Variants in CMKLR1 observed in about 807,000 individuals in gnomAD.
CMKLR1 encodes chemerin chemokine-like receptor 1.
CMKLR1 carries 6 observed loss-of-function variants against 8.2 expected under a neutral mutation model. The ratio of observed to expected loss-of-function variants is 0.73; its 90% CI spans 0.40 to 1.44. The LOEUF (loss-of-function observed/expected upper bound fraction) is 1.44, where lower values mean the gene tolerates loss of function less well. CMKLR1 is among the 40% of genes most tolerant of loss of function. CMKLR1 has a pLI of 0.02. For missense variants in CMKLR1, 429 were observed against 478.0 expected (o/e 0.90, Z 0.96); for synonymous variants, 178 against 181.2 (o/e 0.98, Z 0.14).
intron 2 of CMKLR1, among the ~76,000 whole-genome samples, chr12:108,297,581 T>C (rs1302306939): frequency 6.6e-6 from 1 of 152,214 alleles, no homozygotes; most frequent in Non-Finnish European, 1.5e-5. Context: ...ATAATAGCCC[T>C]GTAAAAATAA....
Position 108,288,669 on chromosome 12 carries a change from T to A in CMKLR1, c.*3172A>T, listed in dbSNP as rs1325166174. Reference sequence around the variant, plus strand: ...ATCCCGGTGCTTGAGGCCCTTCGTGTTCTTGCTCTTCCCTTCTCCCTGTCC... The same window carrying A: ...ATCCCGGTGCTTGAGGCCCTTCGTGATCTTGCTCTTCCCTTCTCCCTGTCC... On this transcript the variant is annotated 3_prime_UTR_variant, in exon 4 of 4. Coordinates refer to ENST00000550402, the MANE Select transcript of CMKLR1 (RefSeq NM_001142343.2). 6.6e-6 allele frequency: 1 copy of A among 152,340 alleles called. No individual in the cohort carries two copies. Among genetic ancestry groups the A allele is most frequent in the Non-Finnish European group, 1.5e-5 (1 of 68,142 alleles). The allele number at this position is 152,340 out of a possible 1,614,324, so 9.4% of individuals were successfully genotyped here. A position where few individuals can be genotyped will look rare whatever the true frequency, so the allele number is the denominator to read the frequency against.
chr12:108,300,821 T>G (rs978236488), intron 2 of CMKLR1, among the ~76,000 whole-genome samples: 8 of 152,218 alleles, frequency 5.3e-5, no homozygotes, highest in Non-Finnish European at 1.2e-4. Context: ...AGTTCACCAT[T>G]AATCATTAAT....
intron 2 of CMKLR1, among the ~76,000 whole-genome samples, chr12:108,311,716 G>A (rs1268990635): frequency 6.6e-6 from 1 of 152,186 alleles, no homozygotes; most frequent in African/African-American, 2.4e-5. Flanking sequence ...GCAACAGGAG[G>A]AAGGGTGGGC....
chr12:108,300,449 T>C (rs1891237744), intron 2 of CMKLR1, among the ~76,000 whole-genome samples: 1 of 151,296 alleles, frequency 6.6e-6, no homozygotes, highest in Admixed American at 6.7e-5. Context: ...TCTAGTGCAT[T>C]ACCCAGAATA....
intron 2 of CMKLR1, among the ~76,000 whole-genome samples, chr12:108,299,851 G>T (rs1166960693): frequency 6.6e-6 from 1 of 152,188 alleles, no homozygotes; most frequent in Non-Finnish European, 1.5e-5. Flanking sequence ...AGAACCATGA[G>T]AGAATAAATT....
chr12:108,288,706 AG>A lies in CMKLR1; in HGVS notation c.*3134del, dbSNP rs1425199941. On this transcript the variant is annotated 3_prime_UTR_variant, in exon 4 of 4. Coordinates refer to ENST00000550402, the MANE Select transcript of CMKLR1 (RefSeq NM_001142343.2). Reference sequence around the variant, plus strand: ...CCTTCTCCCTGTCCTTGCTGGCTCAAGGGTCAGCTGGAGATGGTTCTGAAAT... The same window carrying A: ...CCTTCTCCCTGTCCTTGCTGGCTCAAGGTCAGCTGGAGATGGTTCTGAAAT... 6.6e-6 allele frequency: 1 copy of A among 152,268 alleles called. No individual in the cohort carries two copies. Among genetic ancestry groups the A allele is most frequent in the Non-Finnish European group, 1.5e-5 (1 of 68,102 alleles). The allele number at this position is 152,268 out of a possible 1,614,324, so 9.4% of individuals were successfully genotyped here. A position where few individuals can be genotyped will look rare whatever the true frequency, so the allele number is the denominator to read the frequency against.
In CMKLR1 at chr12:108,291,545, T is replaced by C. The variant is rs1890965319; in HGVS notation, c.*296A>G. ...GCTTAATCCCACCGCCCTATGCCAA[T>C]CCCAGTTCATGGCAATGCTTTTGAG... On this transcript the variant is annotated 3_prime_UTR_variant, in exon 4 of 4. Coordinates refer to ENST00000550402, the MANE Select transcript of CMKLR1 (RefSeq NM_001142343.2). 5.3e-6 allele frequency: 2 copies of C among 376,590 alleles called. No homozygotes were observed. Among genetic ancestry groups the C allele is most frequent in the East Asian group, 1.2e-4 (2 of 17,354 alleles). 23.3% of individuals were successfully genotyped at this position (376,590 alleles called of 1,614,324 possible).
At chr12:108,318,577 T>C (rs1281962336) in intron 2 of CMKLR1, among the ~76,000 whole-genome samples, 2 of 152,118 alleles carry the variant, frequency 1.3e-5, no homozygotes, top group African/African-American at 4.8e-5. Context: ...GTATCCACAG[T>C]GTGAGGGAGA....
chr12:108,305,480 C>T (rs78245788), intron 2 of CMKLR1, among the ~76,000 whole-genome samples: 2,599 of 152,260 alleles, frequency 0.017, 78 homozygotes, highest in African/African-American at 0.059. Flanking sequence ...CTGGCCTGGA[C>T]GACTGTAGGT....
At chr12:108,335,006 A>C (rs944600101) in intron 1 of CMKLR1, among the ~76,000 whole-genome samples, 3 of 152,102 alleles carry the variant, frequency 2.0e-5, no homozygotes, top group Non-Finnish European at 4.4e-5. Flanking sequence ...GAGTCTGGAA[A>C]TTTACTTAGT....
chr12:108,296,423 C>T (rs535013985), intron 2 of CMKLR1, among the ~76,000 whole-genome samples: 1 of 152,302 alleles, frequency 6.6e-6, no homozygotes, highest in South Asian at 2.1e-4. Context: ...TCTTAACTCC[C>T]TTCTAAAATG....
chr12:108,327,859 G>A (rs12312487), intron 2 of CMKLR1, among the ~76,000 whole-genome samples: 47,697 of 152,086 alleles, frequency 0.31, 8,102 homozygotes, highest in Middle Eastern at 0.42. Flanking sequence ...AACACTGGAC[G>A]GGGTGGGACG....
intron 2 of CMKLR1, among the ~76,000 whole-genome samples, chr12:108,307,366 G>T (rs1891436392): frequency 6.6e-6 from 1 of 152,068 alleles, no homozygotes; most frequent in Admixed American, 6.5e-5. Context: ...GCCTCCAGAA[G>T]CGCCCCCTGA....
At position 108,335,269 on chromosome 12, in the gene CMKLR1, C is replaced by A. The variant is rs560316021; in HGVS notation, c.-287+3758G>T. 2.4e-4 allele frequency among the ~76,000 whole-genome samples: 37 copies of A among 152,258 alleles called. 1 individual carries two copies. Among genetic ancestry groups the A allele is most frequent in the African/African-American group, 8.7e-4 (36 of 41,542 alleles). On this transcript the variant is annotated intron_variant, in intron 1 of 3. Transcript: ENST00000550402. ...TATCCTTGTAACTCCATGTCCTGGC[C>A]TCCTTTGCAACTAGATTGGCCACAT...
chr12:108,309,430 G>A (rs997097314), intron 2 of CMKLR1, among the ~76,000 whole-genome samples: 2 of 152,026 alleles, frequency 1.3e-5, no homozygotes, highest in Admixed American at 6.6e-5. Flanking sequence ...GGGAACAGCA[G>A]ATGCAAAGGC....
At chr12:108,309,644 G>C (rs1297001169) in intron 2 of CMKLR1, among the ~76,000 whole-genome samples, 1 of 152,206 alleles carries the variant, frequency 6.6e-6, no homozygotes, top group Non-Finnish European at 1.5e-5. Context: ...GAAAGTGGTT[G>C]CAGGAACAGA....
In CMKLR1 at chr12:108,294,891, G is replaced by C. The variant is rs1593157545; in HGVS notation, c.-73-1227C>G. On this transcript the variant is annotated intron_variant, in intron 2 of 3. Coordinates refer to ENST00000550402, the MANE Select transcript of CMKLR1 (RefSeq NM_001142343.2). ...CATTACTGATCCTTCCCAGCTTAAG[G>C]TTATATTTTATTACATAAAAGTCAT... Among the ~76,000 whole-genome samples the C allele has an allele frequency of 3.3e-5, 5 of 152,114 alleles. 1 individual carries two copies. Among genetic ancestry groups the C allele is most frequent in the Admixed American group, 3.3e-4 (5 of 15,282 alleles).
chr12:108,305,873 T>C (rs1026291043), intron 2 of CMKLR1, among the ~76,000 whole-genome samples: 2 of 152,092 alleles, frequency 1.3e-5, no homozygotes, highest in Non-Finnish European at 2.9e-5. Context: ...TCCATAAGAA[T>C]GGGCAAAAAC....
intron 2 of CMKLR1, among the ~76,000 whole-genome samples, chr12:108,319,065 C>T (rs1438597876): frequency 6.6e-6 from 1 of 152,178 alleles, no homozygotes; most frequent in Non-Finnish European, 1.5e-5. Flanking sequence ...CAACTTGCCT[C>T]CCCTAGGGCC....
Sources: allele counts gnomAD v4.1 joint callset (sites outside exome capture counted in the v4.1 genomes callset), GRCh38; gene constraint gnomAD v4.1.1; transcripts MANE v1.5; gene names NCBI Gene and HGNC (gene_info 2026-07-23, HGNC 2026-07-21).